The following WDR18 variants were observed in gnomAD, a reference collection of about 807,000 sequenced individuals.
WDR18 encodes the protein WD repeat domain 18.
Under a neutral mutation model 49.6 loss-of-function variants are expected in WDR18, and 33 were observed. That is an observed-to-expected ratio of 0.67 (90% CI 0.50 to 0.89). WDR18 has a LOEUF of 0.89. Among genes scored for constraint, WDR18 ranks in the 40% least tolerant of loss-of-function variants. WDR18 has a pLI of 0.00. For synonymous variants in WDR18, 315 were observed against 263.6 expected, an observed-to-expected ratio of 1.19 and a Z score of -1.89; for missense variants, 653 against 593.6, an observed-to-expected ratio of 1.10 and a Z score of -1.04.
chr19:988,752 G>A (rs1338179941), intron 2 of WDR18, among the ~76,000 whole-genome samples: 1 of 152,144 alleles, frequency 6.6e-6, no homozygotes. Context: ...CCCTTGGCTT[G>A]TGGGTGACTG....
At chr19:992,748 G>C (rs1167649190) in intron 8 of WDR18, among the ~76,000 whole-genome samples, 1 of 152,226 alleles carries the variant, frequency 6.6e-6, no homozygotes, top group Admixed American at 6.5e-5. Context: ...GGGCTGGGGT[G>C]GGGGCTGGGG....
In WDR18 at chr19:994,453, C is replaced by G. The variant is rs1447220729; in HGVS notation, c.*109C>G. On this transcript the variant is annotated 3_prime_UTR_variant, in exon 10 of 10. Transcript: ENST00000585809. ...GCCCAGGCCTGGACTCTCCTCAGTT[C>G]TGTGTCGTGTTCGGGTTTTTCCTCT... 9 of 1,440,880 alleles carry G rather than the reference C, an allele frequency of 6.2e-6. No homozygotes were observed. Among genetic ancestry groups the G allele is most frequent in the Non-Finnish European group, 8.3e-6 (9 of 1,085,194 alleles). The allele number at this position is 1,440,880 out of a possible 1,614,324, so 89.3% of individuals were successfully genotyped here.
rs371498222 is a variant in WDR18, at chr19:991,296, C to T, written c.876C>T (p.Thr292=). ...TGCTCTCAGGCTCCCACGACGAGAC[C>T]GTGCGCCTCTGGGACGTGCAGAGCA... ...SVLLSGSHDE[T]VRLWDVQSKQ... The change falls in exon 7 of 10, where the codon ACC becomes ACT. Residue 292 remains threonine, a synonymous_variant. Transcript: ENST00000585809. 295 of 1,562,956 alleles carry T rather than the reference C, an allele frequency of 1.9e-4. No homozygotes were observed. The highest frequency in any genetic ancestry group is 2.5e-4 in the Non-Finnish European group (283 of 1,153,422).
In WDR18 at chr19:991,103, T is replaced by A. The variant is rs1472013804; in HGVS notation, c.764T>A (p.Phe255Tyr). 4 of 1,597,496 alleles carry A rather than the reference T, an allele frequency of 2.5e-6. No individual in the cohort carries two copies. Among genetic ancestry groups the A allele is most frequent in the Non-Finnish European group, 3.4e-6 (4 of 1,172,762 alleles). ...CAGCCCGGACAGAGGGAGAGGAGCT[T>A]CCACCCAGAGCAGGACGCCGGGAAG... ...FTWPGQRERS[F>Y]HPEQDAGKVF... is the part of the protein sequence containing the mutation. Residue 255 changes from phenylalanine to tyrosine, a missense_variant, in exon 6 of 10, where the codon TTC becomes TAC. Physicochemically the swap from Phe to Tyr is conservative, Grantham distance 22 (BLOSUM62 3). Transcript: ENST00000585809.
At chr19:993,771 G>A (rs1330051232) in intron 8 of WDR18, among the ~76,000 whole-genome samples, 1 of 152,218 alleles carries the variant, frequency 6.6e-6, no homozygotes, top group Non-Finnish European at 1.5e-5. Context: ...CCCATCCCCA[G>A]CCACATCCTT....
Position 992,119 on chromosome 19 carries a change from C to G in WDR18, c.1096C>G (p.Gln366Glu). Residue 366 changes from glutamine (Q) to glutamate (E), a missense_variant and splice_region_variant, in exon 8 of 10, where the codon CAG becomes GAG. By Grantham distance (29) the Gln-to-Glu change is conservative. Coordinates refer to ENST00000585809, the MANE Select transcript of WDR18 (RefSeq NM_024100.4). ...GLTLRLGLHQ[Q>E]GSEPSYLDRT... ...CACTCTGCGCCTGGGCCTCCACCAG[C>G]AGGTACGGCCCCCAGCAGGGAACCC... 1 of 1,477,840 alleles carries G rather than the reference C, an allele frequency of 6.8e-7. No individual in the cohort carries two copies. The allele number at this position is 1,477,840 out of a possible 1,614,324, so 91.5% of individuals were successfully genotyped here.
chr19:989,984 G>A, intron 3 of WDR18, 89 bp downstream of exon 3: 4 of 1,514,282 alleles, frequency 2.6e-6, no homozygotes, highest in Non-Finnish European at 3.5e-6. Flanking sequence ...GCGGGAAGGG[G>A]CTTCTCTCTT....
intron 4 of WDR18, 91 bp downstream of exon 4, chr19:990,455 C>T (rs1416372247): frequency 1.4e-6 from 2 of 1,417,020 alleles, no homozygotes; most frequent in East Asian, 2.7e-5. Flanking sequence ...TCCTCCCGCT[C>T]CCTGCTGTCA....
Position 984,954 on chromosome 19 carries a change from C to T in WDR18, c.210+391C>T, listed in dbSNP as rs2038460308. ...AGGACCAAGGTCTGGGGGAGTCTCC[C>T]ATGAAGGGGTGGCGCAGGAAACTCA... On this transcript the variant is annotated intron_variant, in intron 1 of 9. Coordinates refer to ENST00000585809, the MANE Select transcript of WDR18 (RefSeq NM_024100.4). 2.6e-5 allele frequency among the ~76,000 whole-genome samples: 4 copies of T among 152,130 alleles called. No homozygotes were observed. In the South Asian group the frequency reaches 8.3e-4, roughly 31 times the overall value.
upstream of WDR18, chr19:984,245 G>A (rs2038448598): frequency 1.7e-6 from 2 of 1,172,620 alleles, no homozygotes; most frequent in Admixed American, 3.9e-5. Flanking sequence ...GGGCGCATGC[G>A]CGGGTCGGCC....
chr19:987,778 G>C (rs188873384), intron 2 of WDR18, among the ~76,000 whole-genome samples: 14 of 148,774 alleles, frequency 9.4e-5, no homozygotes, highest in African/African-American at 3.5e-4. Flanking sequence ...GCTCGGGACA[G>C]TGTGCTGGGT....
chr19:986,082 G>GTGAC, intron 2 of WDR18, 107 bp downstream of exon 2: 1 of 1,041,032 alleles, frequency 9.6e-7, no homozygotes, highest in Non-Finnish European at 1.5e-6. Context: ...CCTGGGATGG[G>GTGAC]TGACTGCTCA....
At chr19:994,188 C>T (rs1432371004) in intron 9 of WDR18, 25 bp from the exon 10 acceptor site, 3 of 1,583,378 alleles carry the variant, frequency 1.9e-6, no homozygotes, top group East Asian at 2.3e-5. Flanking sequence ...CCACTTCTGC[C>T]CTCTGACCCC....
intron 7 of WDR18, 101 bp downstream of exon 7, chr19:991,452 G>A: frequency 9.8e-7 from 1 of 1,022,200 alleles, no homozygotes; most frequent in Non-Finnish European, 1.3e-6. Context: ...GTTTGCTGTG[G>A]GGCGGGGCCG....
At chr19:989,062 C>T (rs2038508746) in intron 2 of WDR18, among the ~76,000 whole-genome samples, 1 of 87,356 alleles carries the variant, frequency 1.1e-5, no homozygotes, top group South Asian at 4.9e-4. Context: ...CAACCCCCAC[C>T]AGAGCTTCTC....
At chr19:993,881 A>T in intron 8 of WDR18, 139 bp from the exon 9 acceptor site, 1 of 921,034 alleles carries the variant, frequency 1.1e-6, no homozygotes, top group Non-Finnish European at 1.7e-6. Flanking sequence ...CCCCCGTCTC[A>T]GTCTTCCCTT....
Position 994,418 on chromosome 19 carries a change from G to T in WDR18, c.*74G>T. 6.6e-7 allele frequency: 1 copy of T among 1,524,566 alleles called. No homozygotes were observed. The highest frequency in any genetic ancestry group is 2.0e-5 in the Admixed American group (1 of 50,552). The allele number at this position is 1,524,566 out of a possible 1,614,324, so 94.4% of individuals were successfully genotyped here. On this transcript the variant is annotated 3_prime_UTR_variant, in exon 10 of 10. Transcript: ENST00000585809. ...CCAGCAACCAGGGCCCGCGGGTGTG[G>T]CCCCCACCAGCCCAGGCCTGGACTC...
intron 1 of WDR18, among the ~76,000 whole-genome samples, chr19:984,980 T>C (rs2038460668): frequency 6.6e-6 from 1 of 152,114 alleles, no homozygotes; most frequent in Non-Finnish European, 1.5e-5. Flanking sequence ...AGGAAACTCA[T>C]GTTTATTCCT....
At chr19:990,568 C>G in intron 4 of WDR18, 2 of 901,624 alleles carry the variant, frequency 2.2e-6, no homozygotes, top group Non-Finnish European at 3.2e-6. Flanking sequence ...TCTGGCCCGG[C>G]TCCCTGGCCA....
Sources: gnomAD v4.1 joint callset for allele counts (sites outside exome capture counted in the v4.1 genomes callset) on GRCh38, gnomAD v4.1.1 for gene constraint, MANE v1.5 for transcripts, NCBI Gene and HGNC (gene_info 2026-07-23, HGNC 2026-07-21) for gene names.